Variants in MAGI2 observed in about 807,000 individuals in gnomAD.
The protein encoded by MAGI2 is membrane-associated guanylate kinase, WW and PDZ domain-containing protein 2.
In MAGI2, 35 loss-of-function variants were observed where a neutral mutation model predicts 133.3. The ratio of observed to expected loss-of-function variants is 0.26; its 90% CI spans 0.20 to 0.35. The LOEUF (loss-of-function observed/expected upper bound fraction) is 0.35. Among genes scored for constraint, MAGI2 ranks in the 10% least tolerant of loss-of-function variants. The pLI, the probability that MAGI2 is intolerant of heterozygous loss-of-function variation, is 1.00. For missense variants in MAGI2, 1,636 were observed against 1,863.4 expected (o/e 0.88, Z 2.25); for synonymous variants, 729 against 710.6 (o/e 1.03, Z -0.41).
rs1562973145 is a variant in MAGI2 at position 79,186,229 on chromosome 7, TATATATATA to T, written c.302-179032_302-179024del. Among the ~76,000 whole-genome samples, 468 of 134,686 alleles carry T rather than the reference TATATATATA, an allele frequency of 3.5e-3. 15 individuals carry two copies. Among genetic ancestry groups the T allele is most frequent in the African/African-American group, 0.013 (437 of 34,008 alleles). The allele number at this position is 134,686 out of a possible 152,430, so 88.4% of individuals were successfully genotyped here. A position where few individuals can be genotyped will look rare whatever the true frequency, so the allele number is the denominator to read the frequency against. On this transcript the variant is annotated intron_variant, in intron 1 of 21. Coordinates refer to ENST00000354212, the MANE Select transcript of MAGI2 (RefSeq NM_012301.4). ...ATATATATATATATATATATATATA[TATATATATA>T]TATATTTATATTTATTTATTTATAA... is the stretch of plus-strand genomic sequence containing the variant.
intron 2 of MAGI2, among the ~76,000 whole-genome samples, chr7:78,901,111 C>A (rs1173041567): frequency 1.3e-5 from 2 of 152,138 alleles, no homozygotes; most frequent in Non-Finnish European, 2.9e-5. Context: ...GTCCTTCCAG[C>A]ATTTGTGTTT....
At chr7:78,780,240 A>G (rs1826290520) in intron 2 of MAGI2, among the ~76,000 whole-genome samples, 2 of 152,222 alleles carry the variant, frequency 1.3e-5, no homozygotes, top group African/African-American at 4.8e-5. Context: ...ATTTCAAGCT[A>G]TCAAGTTAAA....
At chr7:79,368,607 G>C (rs1180427670) in intron 1 of MAGI2, among the ~76,000 whole-genome samples, 1 of 151,944 alleles carries the variant, frequency 6.6e-6, no homozygotes. Flanking sequence ...CCAGCACTTT[G>C]GGAGGCCGAG....
chr7:79,340,093 A>T (rs1378223544), intron 1 of MAGI2, among the ~76,000 whole-genome samples: 1 of 152,164 alleles, frequency 6.6e-6, no homozygotes, highest in East Asian at 1.9e-4. Flanking sequence ...CCCTCAAATT[A>T]TATTTTCAAA....
At chr7:79,088,338 T>C (rs554004166) in intron 1 of MAGI2, among the ~76,000 whole-genome samples, 19 of 152,156 alleles carry the variant, frequency 1.2e-4, no homozygotes, top group Non-Finnish European at 2.6e-4. Context: ...ATAGGAATGC[T>C]TGTGATTTTT....
At position 78,256,015 on chromosome 7, in the gene MAGI2, G is replaced by A. The variant is rs1184052037; in HGVS notation, c.1975C>T (p.His659Tyr). ...INQQNVQNLS[H>Y]TEVVDILKDC... is the part of the protein sequence containing the mutation. ...TTAAGTATATCCACTACTTCTGTAT[G>A]GCTCAGGTTCTGTACATTCTGCTGG... is the stretch of plus-strand genomic sequence containing the variant. Residue 659 changes from histidine to tyrosine, a missense_variant, in exon 10 of 22, where the codon CAT (histidine) becomes TAT (tyrosine). Physicochemically the swap from His to Tyr is moderately conservative, Grantham distance 83 (BLOSUM62 2). This residue lies in a region of MAGI2 where 920 missense variants were observed against 1,093.5 expected (regional missense o/e 0.84). Transcript: ENST00000354212. 1.9e-6 allele frequency: 3 copies of A among 1,613,686 alleles called. No individual in the cohort carries two copies. In the South Asian group the frequency reaches 3.3e-5, roughly 18 times the overall value.
intron 3 of MAGI2, among the ~76,000 whole-genome samples, chr7:78,549,304 G>A (rs1011393398): frequency 5.3e-5 from 8 of 152,022 alleles, no homozygotes; most frequent in Non-Finnish European, 1.2e-4. Context: ...CTTCAGACAA[G>A]GCCATTGTGT....
At chr7:78,214,323 T>A (rs1032533300) in intron 10 of MAGI2, among the ~76,000 whole-genome samples, 2 of 152,348 alleles carry the variant, frequency 1.3e-5, no homozygotes, top group South Asian at 4.1e-4. Context: ...AGTGTCATGC[T>A]CTTCTAATCT....
At chr7:79,105,721 C>T (rs1361997270) in intron 1 of MAGI2, among the ~76,000 whole-genome samples, 1 of 152,124 alleles carries the variant, frequency 6.6e-6, no homozygotes, top group Admixed American at 6.6e-5. Flanking sequence ...ACCCGACTAA[C>T]CATTTTTTTT....
chr7:78,117,476 A>G (rs920081533), intron 20 of MAGI2, among the ~76,000 whole-genome samples: 6 of 152,136 alleles, frequency 3.9e-5, no homozygotes, highest in African/African-American at 1.4e-4. Context: ...AAAATTCAAC[A>G]TCTACTCATA....
intron 9 of MAGI2, among the ~76,000 whole-genome samples, chr7:78,303,043 G>GCAAA (rs1797966245): frequency 6.6e-6 from 1 of 152,120 alleles, no homozygotes; most frequent in Non-Finnish European, 1.5e-5. Context: ...AGTGATATTT[G>GCAAA]AACTGAGTTT....
intron 1 of MAGI2, among the ~76,000 whole-genome samples, chr7:79,156,963 C>T (rs1380688507): frequency 1.3e-5 from 2 of 152,070 alleles, no homozygotes; most frequent in Non-Finnish European, 2.9e-5. Context: ...TCTGGTAGAA[C>T]TGCTAAGTCC....
At position 79,195,564 on chromosome 7, in the gene MAGI2, A is replaced by G. The variant is rs575891242; in HGVS notation, c.302-188358T>C. Among the ~76,000 whole-genome samples the G allele has an allele frequency of 3.0e-4, 45 of 152,022 alleles. 1 individual carries two copies. The highest frequency in any genetic ancestry group is 1.0e-3 in the African/African-American group (43 of 41,380). ...GAAAAGTGATTCAATTACCAACTCA[A>G]ACTTCAATGAAACCAGCCACTCTTC... On this transcript the variant is annotated intron_variant, in intron 1 of 21. Coordinates refer to ENST00000354212, the MANE Select transcript of MAGI2 (RefSeq NM_012301.4).
At chr7:78,450,798 A>G (rs1261527782) in intron 6 of MAGI2, among the ~76,000 whole-genome samples, 14 of 152,042 alleles carry the variant, frequency 9.2e-5, no homozygotes, top group Admixed American at 9.2e-4. Flanking sequence ...CCAACTCTTC[A>G]TCTAGTTTGT....
intron 9 of MAGI2, among the ~76,000 whole-genome samples, chr7:78,279,704 CTGTGCATGTGTG>C (rs1442632516): frequency 2.0e-5 from 3 of 152,046 alleles, no homozygotes; most frequent in African/African-American, 7.2e-5. Flanking sequence ...ATATACATGT[CTGTGCATGTGTG>C]TGTGTGGTGT....
intron 20 of MAGI2, among the ~76,000 whole-genome samples, chr7:78,090,112 T>C: frequency 6.6e-6 from 1 of 152,168 alleles, no homozygotes. Flanking sequence ...CTCCTAATCA[T>C]GCCCATTCTT....
chr7:78,868,485 A>G (rs1794762780), intron 2 of MAGI2, among the ~76,000 whole-genome samples: 1 of 152,174 alleles, frequency 6.6e-6, no homozygotes, highest in African/African-American at 2.4e-5. Context: ...CCCAAAGGCA[A>G]AAGAAAAATT....
At chr7:78,531,182 T>C (rs183400716) in intron 3 of MAGI2, among the ~76,000 whole-genome samples, 1 of 152,118 alleles carries the variant, frequency 6.6e-6, no homozygotes, top group Admixed American at 6.5e-5. Context: ...GGAAACCTTT[T>C]GCAATTGTGT....
In MAGI2 at chr7:78,256,550, A is replaced by G. The variant is rs1426710685; in HGVS notation, c.1440T>C (p.Cys480=). Residue 480 remains cysteine (C), a synonymous_variant, in exon 10 of 22, where the codon TGT becomes TGC. Coordinates refer to ENST00000354212, the MANE Select transcript of MAGI2 (RefSeq NM_012301.4). The stretch of plus-strand genomic sequence containing the variant: ...CATCTGCATGAGTGTGTCCAAGGAC[A>G]CAAACTTCATTAATATAGACAATGA... The part of the protein sequence containing the change: ...GDVIVYINEV[C]VLGHTHADVV... 6.2e-7 allele frequency: 1 copy of G among 1,613,532 alleles called. No homozygotes were observed. The highest frequency in any genetic ancestry group is 8.5e-7 in the Non-Finnish European group (1 of 1,179,812).
Sources: allele counts gnomAD v4.1 joint callset (sites outside exome capture counted in the v4.1 genomes callset), GRCh38; gene constraint gnomAD v4.1.1; regional missense constraint gnomAD v4.1.1; transcripts MANE v1.5; gene names NCBI Gene and HGNC (gene_info 2026-07-23, HGNC 2026-07-21).